ZMYM6: variants seen among roughly 807,000 people sequenced by gnomAD.
ZMYM6 encodes zinc finger MYM-type containing 6.
In ZMYM6, 90 loss-of-function variants were observed where a neutral mutation model predicts 134.0. The observed-to-expected ratio is 0.67, with a 90% CI of 0.57 to 0.80. The LOEUF is 0.80. ZMYM6 is among the 30% of genes least tolerant of loss of function. The probability of loss-of-function intolerance (pLI) is 0.00; values close to 1 mark genes in which losing one functional copy is unlikely to be tolerated. For missense variants in ZMYM6, 1,362 were observed against 1,533.9 expected, an observed-to-expected ratio of 0.89 and a Z score of 1.87; for synonymous variants, 481 against 524.1, an observed-to-expected ratio of 0.92 and a Z score of 1.12.
chr1:35,011,088 CTT>C, intron 8 of ZMYM6, 52 bp from the exon 9 acceptor site: 1 of 1,536,970 alleles, frequency 6.5e-7, no homozygotes, highest in African/African-American at 1.4e-5. Context: ...AATAAGATAA[CTT>C]TGTACTTTTC....
Position 34,988,922 on chromosome 1 carries a change from A to G in ZMYM6, c.2160T>C (p.Pro720=). The part of the protein sequence containing the change: ...HKECQTDLPM[P]NEKNDAELDS... ...CAAGTTCTGCATCATTTTTTTCATTAGGCATAGGTAAATCTGAATGAAATA... is the reference window on the plus strand; with the variant it reads ...CAAGTTCTGCATCATTTTTTTCATTGGGCATAGGTAAATCTGAATGAAATA... Residue 720 remains proline, a synonymous_variant, in exon 16 of 16, where the codon CCT becomes CCC. Transcript: ENST00000357182. 6 of 1,610,330 alleles carry G rather than the reference A, an allele frequency of 3.7e-6. No homozygotes were observed. The highest frequency in any genetic ancestry group is 5.1e-6 in the Non-Finnish European group (6 of 1,179,330).
chr1:34,992,686 A>ATATAAAAATAAAAATATACTTATAAAC (rs1250921039), intron 14 of ZMYM6, among the ~76,000 whole-genome samples: 2 of 100,554 alleles, frequency 2.0e-5, no homozygotes, highest in East Asian at 9.3e-4. Context: ...ATATTTGTAA[A>ATATAAAAATAAAAATATACTTATAAAC]TATAAAAATA....
At chr1:34,990,210 G>A (rs1640647789) in intron 15 of ZMYM6, 2 of 183,516 alleles carry the variant, frequency 1.1e-5, no homozygotes, top group South Asian at 9.2e-5. Context: ...GGCCGGCGCG[G>A]TGGCTCACGC....
At position 35,003,997 on chromosome 1, in the gene ZMYM6, T is replaced by C; in HGVS notation, c.1963A>G (p.Thr655Ala). ...NTNSVLKGAV[T>A]KEAAKIIQDE... ...TGAATGATCTTTGCTGCCTCTTTAG[T>C]AACTGCACCTGTTGTAAATTAAAAC... Residue 655 changes from threonine (T) to alanine (A), a missense_variant, in exon 14 of 16, where the codon ACT becomes GCT. Thr to Ala is a moderately conservative substitution (Grantham distance 58, BLOSUM62 0). Transcript: ENST00000357182. 1.9e-6 allele frequency: 3 copies of C among 1,611,360 alleles called. No individual in the cohort carries two copies. The highest frequency in any genetic ancestry group is 2.5e-6 in the Non-Finnish European group (3 of 1,177,906).
rs902624772 is a variant in ZMYM6, at chr1:35,005,420, ACT to A, written c.1814-150_1814-149del. On this transcript the variant is annotated intron_variant, in intron 12 of 15. Transcript: ENST00000357182. ...ATTCTGTATCATGTTAGGTTGGGTG[ACT>A]CTGGTCAGATTAGTGTTCTTTAGGA... 5.9e-6 allele frequency: 5 copies of A among 850,494 alleles called. No individual in the cohort carries two copies. In the African/African-American group the frequency reaches 6.9e-5, roughly 12 times the overall value. 52.7% of individuals were successfully genotyped at this position (850,494 alleles called of 1,614,324 possible).
chr1:34,991,671 G>T (rs1320828854), intron 15 of ZMYM6, among the ~76,000 whole-genome samples: 2 of 152,096 alleles, frequency 1.3e-5, no homozygotes, highest in African/African-American at 4.8e-5. Flanking sequence ...TCAGGAGGCT[G>T]AGACAGGAGA....
intron 14 of ZMYM6, 194 bp downstream of exon 14, chr1:35,003,773 AC>A: frequency 1.9e-6 from 1 of 531,826 alleles, no homozygotes; most frequent in Non-Finnish European, 3.4e-6. Flanking sequence ...ATCTTCAAAA[AC>A]AGTAATTGCT....
chr1:34,987,871 GTAC>G lies in ZMYM6; in HGVS notation c.3208_3210del (p.Val1070del). 1 of 1,551,372 alleles carries G rather than the reference GTAC, an allele frequency of 6.4e-7. No homozygotes were observed. On this transcript the variant is annotated inframe_deletion, in exon 16 of 16. Coordinates refer to ENST00000357182, the MANE Select transcript of ZMYM6 (RefSeq NM_007167.4). ...AACATTCTCCCTCTTGATATCCAAC[GTAC>G]TTCAGCATGAAGCGGTAAACTCACA...
chr1:34,987,202 A>T lies in ZMYM6; in HGVS notation c.3880T>A (p.Ser1294Thr), dbSNP rs1254048229. 1 of 1,612,714 alleles carries T rather than the reference A, an allele frequency of 6.2e-7. No homozygotes were observed. Residue 1294 changes from serine (S) to threonine (T), a missense_variant, in exon 16 of 16, where the codon TCA becomes ACA. By Grantham distance (58) the Ser-to-Thr change is moderately conservative. Around this residue, in one of 3 missense-constraint regions of ZMYM6, gnomAD observed 824 missense variants for 940.9 expected, o/e 0.88. Transcript: ENST00000357182. ...CDAAFSALTE[S>T]KQKNLLGSGP... ...GAACCCAACAGATTTTTTTGTTTTG[A>T]CTCAGTCAAAGCTGAAAAGGCAGCA...
At chr1:35,004,940 C>T (rs1284080225) in intron 13 of ZMYM6, among the ~76,000 whole-genome samples, 192 bp downstream of exon 13, 2 of 152,104 alleles carry the variant, frequency 1.3e-5, no homozygotes, top group Non-Finnish European at 2.9e-5. Context: ...CACCTGTAAT[C>T]CCAGCTACTC....
At chr1:35,007,172 A>G in intron 11 of ZMYM6, 74 bp from the exon 12 acceptor site, 1 of 1,461,360 alleles carries the variant, frequency 6.8e-7, no homozygotes, top group Non-Finnish European at 9.1e-7. Context: ...TCATAAAAAG[A>G]GGGACTACGA....
At chr1:34,994,172 A>G (rs1640735051) in intron 14 of ZMYM6, among the ~76,000 whole-genome samples, 1 of 152,250 alleles carries the variant, frequency 6.6e-6, no homozygotes, top group Admixed American at 6.5e-5. Context: ...ATACCGCAGA[A>G]AACAAGACAA....
intron 2 of ZMYM6, among the ~76,000 whole-genome samples, chr1:35,026,345 A>G (rs923446186): frequency 6.6e-6 from 1 of 152,162 alleles, no homozygotes; most frequent in African/African-American, 2.4e-5. Flanking sequence ...TAATATCCAG[A>G]ACAAACTCTT....
chr1:35,025,423 C>T (rs140854715), intron 2 of ZMYM6, among the ~76,000 whole-genome samples: 2,756 of 139,238 alleles, frequency 0.02, 93 homozygotes, highest in African/African-American at 0.071. Flanking sequence ...ACCGAGATGG[C>T]GCCACTGCAC....
Position 35,014,772 on chromosome 1 carries a change from G to C in ZMYM6, c.720C>G (p.Ser240Arg). The C allele has an allele frequency of 1.2e-6, 2 of 1,614,174 alleles. No individual in the cohort carries two copies. The highest frequency in any genetic ancestry group is 1.7e-6 in the Non-Finnish European group (2 of 1,180,036). The change falls in exon 6 of 16, where the codon AGC becomes AGG. Residue 240 changes from serine (S) to arginine (R), a missense_variant. This residue lies in a region of ZMYM6 where 503 missense variants were observed against 520.8 expected (regional missense o/e 0.97). Transcript: ENST00000357182. ...LTMNCCENCG[S>R]YCYSSSGPCQ... The stretch of plus-strand genomic sequence containing the variant: ...AAGGACCAGAGCTACTATAGCAATA[G>C]CTCCCACAGTTCTCACAACAGTTCA...
At chr1:35,024,800 T>C (rs1363971906) in intron 2 of ZMYM6, among the ~76,000 whole-genome samples, 3 of 152,106 alleles carry the variant, frequency 2.0e-5, no homozygotes, top group Admixed American at 6.5e-5. Context: ...CCATATAGAT[T>C]TAGGGCTCCT....
Position 35,015,100 on chromosome 1 carries a change from T to C in ZMYM6, c.491A>G (p.Asp164Gly). The part of the protein sequence containing the change: ...TRFENSYPSK[D>G]FCSQSCLSSY... ...TGACAAGCATGATTGGCTGCAGAAA[T>C]CTTTGCTAGGATAGGAATTCTCAAA... Residue 164 changes from aspartate to glycine, a missense_variant, in exon 5 of 16, where the codon GAT becomes GGT. Around this residue, in one of 3 missense-constraint regions of ZMYM6, gnomAD observed 503 missense variants for 520.8 expected, o/e 0.97. Coordinates refer to ENST00000357182, the MANE Select transcript of ZMYM6 (RefSeq NM_007167.4). The C allele has an allele frequency of 6.2e-7, 1 of 1,613,878 alleles. No individual in the cohort carries two copies. The highest frequency in any genetic ancestry group is 8.5e-7 in the Non-Finnish European group (1 of 1,179,930).
At chr1:35,023,616 C>T (rs1168630133) in intron 2 of ZMYM6, among the ~76,000 whole-genome samples, 1 of 150,680 alleles carries the variant, frequency 6.6e-6, no homozygotes, top group African/African-American at 2.5e-5. Flanking sequence ...GTTTAAGATT[C>T]AATAAAATTT....
intron 14 of ZMYM6, among the ~76,000 whole-genome samples, chr1:34,997,011 A>C (rs1456401719): frequency 6.6e-6 from 1 of 152,264 alleles, no homozygotes; most frequent in African/African-American, 2.4e-5. Context: ...ATAAATGTAC[A>C]AAATGTATCT....
Sources: gnomAD v4.1 joint callset for allele counts (sites outside exome capture counted in the v4.1 genomes callset) on GRCh38, gnomAD v4.1.1 for gene constraint, gnomAD v4.1.1 regional missense constraint, MANE v1.5 for transcripts, NCBI Gene and HGNC (gene_info 2026-07-23, HGNC 2026-07-21) for gene names.